Variants in HPSE2 observed in about 807,000 individuals in gnomAD.
The protein encoded by HPSE2 is heparanase 2 (inactive).
In HPSE2, 38 loss-of-function variants were observed where a neutral mutation model predicts 60.5. That is an observed-to-expected ratio of 0.63 (90% CI 0.48 to 0.82). HPSE2 has a LOEUF of 0.82. HPSE2 is among the 40% of genes least tolerant of loss of function. HPSE2 has a pLI of 0.00. For missense variants in HPSE2, 713 were observed against 740.4 expected (o/e 0.96, Z 0.43); for synonymous variants, 295 against 293.2 (o/e 1.01, Z -0.06).
intron 2 of HPSE2, among the ~76,000 whole-genome samples, chr10:99,185,429 G>A (rs1191266598): frequency 1.3e-5 from 2 of 152,036 alleles, no homozygotes. Context: ...CCAAAAACTG[G>A]AGATGAAAAG....
intron 3 of HPSE2, among the ~76,000 whole-genome samples, chr10:98,836,780 C>T (rs1341508229): frequency 4.6e-5 from 7 of 152,206 alleles, no homozygotes; most frequent in Non-Finnish European, 1.5e-5. Flanking sequence ...GTGGCTCACA[C>T]CTGTAATCCC....
chr10:98,576,989 T>C (rs1438630451), intron 9 of HPSE2, among the ~76,000 whole-genome samples: 1 of 152,028 alleles, frequency 6.6e-6, no homozygotes, highest in Non-Finnish European at 1.5e-5. Flanking sequence ...ACGATGAGGA[T>C]TTAGCTCTTG....
intron 9 of HPSE2, among the ~76,000 whole-genome samples, chr10:98,496,152 T>A (rs1941831081): frequency 6.6e-6 from 1 of 152,142 alleles, no homozygotes; most frequent in Admixed American, 6.6e-5. Flanking sequence ...TAAGGTCTTC[T>A]CAGGTCTTTT....
intron 9 of HPSE2, among the ~76,000 whole-genome samples, chr10:98,537,700 T>C (rs1042136622): frequency 2.0e-5 from 3 of 152,172 alleles, no homozygotes; most frequent in African/African-American, 7.2e-5. Flanking sequence ...AGGCACCCGT[T>C]ACTTAGCAGA....
chr10:98,813,939 A>T (rs1298960210), intron 3 of HPSE2, among the ~76,000 whole-genome samples: 1 of 152,194 alleles, frequency 6.6e-6, no homozygotes, highest in Non-Finnish European at 1.5e-5. Context: ...TATGTATTAA[A>T]CATTTGCCAT....
At chr10:99,100,520 T>G (rs1027655282) in intron 3 of HPSE2, among the ~76,000 whole-genome samples, 3 of 152,170 alleles carry the variant, frequency 2.0e-5, no homozygotes, top group Non-Finnish European at 4.4e-5. Flanking sequence ...ATCTGACTGG[T>G]GTACCTGAAA....
intron 6 of HPSE2, among the ~76,000 whole-genome samples, chr10:98,686,553 C>T (rs1947921258): frequency 6.6e-6 from 1 of 152,078 alleles, no homozygotes; most frequent in Non-Finnish European, 1.5e-5. Flanking sequence ...AGGCACAAGC[C>T]ACCATGCCCA....
In HPSE2 at chr10:99,173,934, A is replaced by T. The variant is rs1213424832; in HGVS notation, c.449-29535T>A. ...CTCCAGCCTGAGCAACAAGAGCGAGACTCTGTCTCAAAAAAAAAAAAAAAA... is the reference window on the plus strand; with the variant it reads ...CTCCAGCCTGAGCAACAAGAGCGAGTCTCTGTCTCAAAAAAAAAAAAAAAA... On this transcript the variant is annotated intron_variant, in intron 2 of 11. Transcript: ENST00000370552. 1.1e-4 allele frequency among the ~76,000 whole-genome samples: 14 copies of T among 132,380 alleles called. No homozygotes were observed. The Admixed American group carries it at 1.1e-3, about 11-fold the overall frequency. The allele number at this position is 132,380 out of a possible 152,430, so 86.8% of individuals were successfully genotyped here.
At position 98,459,739 on chromosome 10, in the gene HPSE2, C is replaced by T. The variant is rs1237549253; in HGVS notation, c.1614G>A (p.Lys538=). The T allele has an allele frequency of 1.2e-6, 2 of 1,612,788 alleles. No homozygotes were observed. Among genetic ancestry groups the T allele is most frequent in the Admixed American group, 1.7e-5 (1 of 59,796 alleles). The change falls in exon 12 of 12, where the codon AAG becomes AAA. Residue 538 remains lysine, a splice_region_variant and synonymous_variant. Transcript: ENST00000370552. ...QPYGQEGLKS[K]SVQLNGQPLV... ...AGGGCTGGCCATTCAGTTGCACTGA[C>T]CTACAGTGAGGAAAAACAGTATGGG...
intron 6 of HPSE2, among the ~76,000 whole-genome samples, chr10:98,661,491 T>G (rs1336877559): frequency 6.6e-6 from 1 of 152,236 alleles, no homozygotes; most frequent in Non-Finnish European, 1.5e-5. Flanking sequence ...ATGCTATCAG[T>G]TTCTTTTATA....
At chr10:98,764,457 C>T (rs906170289) in intron 3 of HPSE2, among the ~76,000 whole-genome samples, 27 of 152,018 alleles carry the variant, frequency 1.8e-4, no homozygotes, top group African/African-American at 6.0e-4. Flanking sequence ...TAAATGTAAA[C>T]GTACCAAAAA....
At chr10:98,987,479 C>T (rs148152596) in intron 3 of HPSE2, among the ~76,000 whole-genome samples, 1 of 151,898 alleles carries the variant, frequency 6.6e-6, no homozygotes, top group African/African-American at 2.4e-5. Flanking sequence ...AATTAGGTAT[C>T]GATGGGACAT....
chr10:98,898,559 A>G (rs1301011766), intron 3 of HPSE2, among the ~76,000 whole-genome samples: 1 of 152,136 alleles, frequency 6.6e-6, no homozygotes, highest in African/African-American at 2.4e-5. Context: ...CAGTGTTTCT[A>G]GGGGCTCAGA....
chr10:99,167,623 G>C (rs543775380), intron 2 of HPSE2, among the ~76,000 whole-genome samples: 1 of 152,250 alleles, frequency 6.6e-6, no homozygotes, highest in East Asian at 1.9e-4. Context: ...ACTGATTTAT[G>C]TGTTTATTCT....
the HPSE2 span, among the ~76,000 whole-genome samples, chr10:99,241,847 C>T: frequency 1.3e-5 from 2 of 152,238 alleles, no homozygotes; most frequent in Non-Finnish European, 2.9e-5. Flanking sequence ...CAAATACATC[C>T]CCTTAACTAA....
At chr10:98,836,817 G>A (rs1200020256) in intron 3 of HPSE2, among the ~76,000 whole-genome samples, 1 of 152,132 alleles carries the variant, frequency 6.6e-6, no homozygotes, top group Non-Finnish European at 1.5e-5. Context: ...AAGGCAGGTG[G>A]ATCATGAGGT....
intron 6 of HPSE2, 134 bp from the exon 7 acceptor site, chr10:98,642,074 T>G: frequency 1.3e-6 from 1 of 745,396 alleles, no homozygotes. Flanking sequence ...TCTAAAAGGT[T>G]TTGAACCTGG....
chr10:98,636,209 G>A (rs1332256550), intron 7 of HPSE2, among the ~76,000 whole-genome samples: 3 of 151,380 alleles, frequency 2.0e-5, no homozygotes, highest in African/African-American at 7.3e-5. Flanking sequence ...ATAAATGTTT[G>A]AAGTGATAAA....
the HPSE2 span, among the ~76,000 whole-genome samples, chr10:99,269,369 A>G: frequency 9.8e-4 from 150 of 152,332 alleles, no homozygotes; most frequent in African/African-American, 3.4e-3. Flanking sequence ...GGGACATTAT[A>G]TAATGATAAA....
Sources: allele counts gnomAD v4.1 joint callset (sites outside exome capture counted in the v4.1 genomes callset), GRCh38; gene constraint gnomAD v4.1.1; transcripts MANE v1.5; gene names NCBI Gene and HGNC (gene_info 2026-07-23, HGNC 2026-07-21).